Variants in DYNC2H1 observed in about 807,000 individuals in gnomAD.
DYNC2H1 encodes the protein dynein cytoplasmic 2 heavy chain 1.
In DYNC2H1, 410 loss-of-function variants were observed where a neutral mutation model predicts 570.0. The ratio of observed to expected loss-of-function variants is 0.72; its 90% confidence interval spans 0.66 to 0.78. The LOEUF is 0.78. Among genes scored for constraint, DYNC2H1 ranks in the 30% least tolerant of loss-of-function variants. The pLI is 0.00. For missense variants in DYNC2H1, 4,865 were observed against 5,046.4 expected, an observed-to-expected ratio of 0.96 and a Z score of 1.09; for synonymous variants, 1,688 against 1,677.6, an observed-to-expected ratio of 1.01 and a Z score of -0.15.
intron 55 of DYNC2H1, among the ~76,000 whole-genome samples, chr11:103,219,370 T>TC (rs892383390): frequency 4.6e-5 from 7 of 151,570 alleles, no homozygotes; most frequent in Non-Finnish European, 1.0e-4. Context: ...TCCCAGCATT[T>TC]TGGGAGGCTG....
At position 103,286,328 on chromosome 11, in the gene DYNC2H1, C is replaced by A. The variant is rs1866350580; in HGVS notation, c.10964C>A (p.Ser3655Ter). The A allele has an allele frequency of 6.2e-7, 1 of 1,613,574 alleles. No individual in the cohort carries two copies. Among genetic ancestry groups the A allele is most frequent in the Admixed American group, 1.7e-5 (1 of 59,982 alleles). The change falls in exon 74 of 89, where the codon TCA becomes TAA. Residue 3655 changes from serine to a stop codon, truncating the protein, a stop_gained. Transcript: ENST00000375735. LOFTEE classifies it high-confidence loss of function. The part of the protein sequence containing the change: ...AALWRTYYNN[S>*]MCEQEFPSIL... ...CTGTGGCGTACTTATTATAATAATT[C>A]AATGTGTGAGCAAGAGTTTCCATCT...
chr11:103,250,403 C>A (rs1017308758), intron 65 of DYNC2H1, among the ~76,000 whole-genome samples: 1 of 151,822 alleles, frequency 6.6e-6, no homozygotes, highest in South Asian at 2.1e-4. Flanking sequence ...GTTTAACAAG[C>A]GTATATTGCA....
Position 103,479,120 on chromosome 11 carries a change from A to G in DYNC2H1, c.12791A>G (p.Asp4264Gly). The G allele has an allele frequency of 6.2e-7, 1 of 1,613,770 alleles. No individual in the cohort carries two copies. The highest frequency in any genetic ancestry group is 1.3e-5 in the African/African-American group (1 of 75,028). The change falls in exon 89 of 89, where the codon GAT (aspartate) becomes GGT (glycine). Residue 4264 changes from aspartate to glycine, a missense_variant. Around this residue, in one of 5 missense-constraint regions of DYNC2H1, gnomAD observed 2,401 missense variants for 2,454.6 expected, o/e 0.98. Coordinates refer to ENST00000375735, the MANE Select transcript of DYNC2H1 (RefSeq NM_001377.3). Reference protein sequence around the residue: ...PQDACGPYSPDECISLPVYTS... With the variant: ...PQDACGPYSPGECISLPVYTS... ...GATGCATGTGGTCCATATTCTCCGG[A>G]TGAGTGCATCTCTTTGCCTGTTTAC...
chr11:103,165,211 T>G (rs541297619), intron 30 of DYNC2H1, among the ~76,000 whole-genome samples: 13 of 152,248 alleles, frequency 8.5e-5, no homozygotes, highest in Non-Finnish European at 1.9e-4. Flanking sequence ...CACTGCAACC[T>G]CCCCCTCTCA....
intron 78 of DYNC2H1, among the ~76,000 whole-genome samples, chr11:103,311,652 AT>A (rs1300374417): frequency 6.6e-6 from 1 of 150,754 alleles, no homozygotes; most frequent in Non-Finnish European, 1.5e-5. Flanking sequence ...TATTGTATAG[AT>A]TTTTAAATTT....
intron 5 of DYNC2H1, 27 bp downstream of exon 5, chr11:103,116,741 A>G (rs754266224): frequency 1.9e-6 from 3 of 1,555,134 alleles, no homozygotes; most frequent in Non-Finnish European, 1.7e-6. Context: ...GAACTTTTGG[A>G]ATTTTGAAAA....
chr11:103,183,833 A>T (rs890738996), intron 40 of DYNC2H1, among the ~76,000 whole-genome samples: 1 of 151,554 alleles, frequency 6.6e-6, no homozygotes. Context: ...AAAAATATTA[A>T]TTTTTTTAAG....
In DYNC2H1 at chr11:103,268,834, G is replaced by A. The variant is rs564320561; in HGVS notation, c.10695+8857G>A. Reference sequence around the variant, plus strand: ...AGTTAGTTGCTTGTTTCTAAGCTATGTGTCTTATCTCAGTTTATATATTCT... The same window carrying A: ...AGTTAGTTGCTTGTTTCTAAGCTATATGTCTTATCTCAGTTTATATATTCT... On this transcript the variant is annotated intron_variant, in intron 70 of 88. Coordinates refer to ENST00000375735, the MANE Select transcript of DYNC2H1 (RefSeq NM_001377.3). The surrounding 1 kb of genome is among the most constrained non-coding windows in gnomAD (Gnocchi z 4.6). Among the ~76,000 whole-genome samples the A allele has an allele frequency of 6.6e-6, 1 of 151,980 alleles. No individual in the cohort carries two copies. Among genetic ancestry groups the A allele is most frequent in the South Asian group, 2.1e-4 (1 of 4,828 alleles).
At chr11:103,327,652 G>A (rs1021039043) in intron 82 of DYNC2H1, among the ~76,000 whole-genome samples, 1 of 152,126 alleles carries the variant, frequency 6.6e-6, no homozygotes, top group African/African-American at 2.4e-5. Flanking sequence ...TACAGCCTTA[G>A]AGACTTAGAG....
Position 103,479,763 on chromosome 11 carries a change from A to G in DYNC2H1, c.*510A>G, listed in dbSNP as rs1397875619. On this transcript the variant is annotated 3_prime_UTR_variant, in exon 89 of 89. Transcript: ENST00000375735. ...AATATATAATTATTGTCATAATTATATACTTATAACTAATATCTTAAGGTA... is the reference window on the plus strand; with the variant it reads ...AATATATAATTATTGTCATAATTATGTACTTATAACTAATATCTTAAGGTA... 2 of 151,972 alleles carry G rather than the reference A, an allele frequency of 1.3e-5. No homozygotes were observed. Among genetic ancestry groups the G allele is most frequent in the South Asian group, 4.1e-4 (2 of 4,830 alleles). The allele number at this position is 151,972 out of a possible 1,614,324, so 9.4% of individuals were successfully genotyped here.
At chr11:103,345,822 T>G (rs1302086259) in intron 82 of DYNC2H1, among the ~76,000 whole-genome samples, 1 of 152,154 alleles carries the variant, frequency 6.6e-6, no homozygotes. Flanking sequence ...CAAAGAGAGA[T>G]GTTAGAAAAC....
At chr11:103,429,877 A>T (rs767402207) in intron 84 of DYNC2H1, among the ~76,000 whole-genome samples, 1 of 152,248 alleles carries the variant, frequency 6.6e-6, no homozygotes, top group African/African-American at 2.4e-5. Flanking sequence ...TTCACACATC[A>T]TAAAAACCTT....
At chr11:103,351,494 A>G (rs1373407879) in intron 82 of DYNC2H1, among the ~76,000 whole-genome samples, 1 of 152,158 alleles carries the variant, frequency 6.6e-6, no homozygotes, top group African/African-American at 2.4e-5. Flanking sequence ...CTATTATTAT[A>G]ACAATCTCCC....
At chr11:103,263,051 G>C (rs1389146420) in intron 70 of DYNC2H1, among the ~76,000 whole-genome samples, 2 of 147,858 alleles carry the variant, frequency 1.4e-5, no homozygotes, top group African/African-American at 5.0e-5. Flanking sequence ...AAAAAAGCAG[G>C]GTTTGCAATC....
At chr11:103,298,522 T>C (rs777164337) in intron 75 of DYNC2H1, among the ~76,000 whole-genome samples, 2 of 152,158 alleles carry the variant, frequency 1.3e-5, no homozygotes, top group Admixed American at 6.6e-5. Flanking sequence ...ATTATTTATA[T>C]ATTCAGATGC....
rs886763316 is a variant in DYNC2H1, at chr11:103,277,384, T to C, written c.10696-2964T>C. Among the ~76,000 whole-genome samples the C allele has an allele frequency of 6.6e-6, 1 of 152,142 alleles. No individual in the cohort carries two copies. On this transcript the variant is annotated intron_variant, in intron 70 of 88. Transcript: ENST00000375735. This position sits in a 1 kb window ranked among gnomAD's most constrained non-coding sequence, Gnocchi z 4.3. Reference sequence around the variant, plus strand: ...CAAATTTTTCTTCATCTGGGTCTAATTTAAACAATTATAAAGTTCTCTCCC... The same window carrying C: ...CAAATTTTTCTTCATCTGGGTCTAACTTAAACAATTATAAAGTTCTCTCCC...
Position 103,241,629 on chromosome 11 carries a change from C to A in DYNC2H1, c.9820-2064C>A. 1 of 1,201,710 alleles carries A rather than the reference C, an allele frequency of 8.3e-7. No individual in the cohort carries two copies. Among genetic ancestry groups the A allele is most frequent in the Non-Finnish European group, 1.2e-6 (1 of 849,798 alleles). 74.4% of individuals were successfully genotyped at this position (1,201,710 alleles called of 1,614,324 possible). ...ATTGTGAAATGTGTGCTATTGAATG[C>A]TAGCATAAAATTAGATCAAAAACCT... is the stretch of plus-strand genomic sequence containing the variant. On this transcript the variant is annotated intron_variant, in intron 63 of 88. Coordinates refer to ENST00000375735, the MANE Select transcript of DYNC2H1 (RefSeq NM_001377.3). The surrounding 1 kb of genome is among the most constrained non-coding windows in gnomAD (Gnocchi z 5.1).
In DYNC2H1 at chr11:103,129,003, A is replaced by C. The variant is rs1461801774; in HGVS notation, c.1951A>C (p.Lys651Gln). 3.1e-6 allele frequency: 5 copies of C among 1,598,606 alleles called. No individual in the cohort carries two copies. The highest frequency in any genetic ancestry group is 1.7e-4 in the Middle Eastern group (1 of 6,024). Residue 651 changes from lysine to glutamine, a missense_variant and splice_region_variant, in exon 13 of 89, where the codon AAG (lysine) becomes CAG (glutamine). Lys to Gln is a moderately conservative substitution (Grantham distance 53). Transcript: ENST00000375735. The surrounding 1 kb of genome is among the most constrained non-coding windows in gnomAD (Gnocchi z 4.1). ...QSALAFEQII[K>Q]NSKAGSGGKS... is the part of the protein sequence containing the mutation. ...TGCCTTAGCATTTGAACAGATAATT[A>C]AGGTAAATGGGCTTTTAATTTTATT... is the stretch of plus-strand genomic sequence containing the variant.
chr11:103,193,993 G>A (rs1348869026), intron 47 of DYNC2H1, among the ~76,000 whole-genome samples: 3 of 152,134 alleles, frequency 2.0e-5, no homozygotes, highest in Admixed American at 6.5e-5. Flanking sequence ...TAAGAAGATT[G>A]TAATCTAATG....
Sources: allele counts gnomAD v4.1 joint callset (sites outside exome capture counted in the v4.1 genomes callset), GRCh38; gene constraint gnomAD v4.1.1; regional missense constraint gnomAD v4.1.1; non-coding constraint Gnocchi (gnomAD v3.1); transcripts MANE v1.5; gene names NCBI Gene and HGNC (gene_info 2026-07-23, HGNC 2026-07-21).